TAOK2: variants seen among roughly 807,000 people sequenced by gnomAD.
The protein encoded by TAOK2 is serine/threonine-protein kinase TAO2.
A neutral mutation model predicts 122.5 loss-of-function variants in TAOK2; 42 were observed. That is an observed-to-expected ratio of 0.34 (90% CI 0.27 to 0.44). The LOEUF is 0.44. TAOK2 is among the 20% of genes least tolerant of loss of function. The pLI, the probability that TAOK2 is intolerant of heterozygous loss-of-function variation, is 1.00. For synonymous variants in TAOK2, 704 were observed against 677.6 expected (o/e 1.04, Z -0.61); for missense variants, 1,264 against 1,644.9 (o/e 0.77, Z 4.01).
chr16:29,977,591 T>C (rs2069493873), intron 1 of TAOK2, 147 bp from the exon 2 acceptor site: 1 of 769,460 alleles, frequency 1.3e-6, no homozygotes, highest in Admixed American at 3.0e-5. Flanking sequence ...AGCTTTGATG[T>C]TGTTCCTAAT....
In TAOK2 at chr16:29,983,049, A is replaced by C. The variant is rs2069665861; in HGVS notation, c.1000-23A>C. On this transcript the variant is annotated intron_variant, in intron 11 of 15. Coordinates refer to ENST00000308893, the MANE Select transcript of TAOK2 (RefSeq NM_016151.4). ...CCCCAGGGCTTCCCCTTCCCTGTCC[A>C]GCAGCCTACGCCCTGTTCGCAGGAG... 1.9e-6 allele frequency: 3 copies of C among 1,612,846 alleles called. 1 individual carries two copies. In the South Asian group the frequency reaches 3.3e-5, roughly 18 times the overall value.
At chr16:29,991,714 T>G (rs769705977), downstream of TAOK2, 33 of 1,104,988 alleles carry the variant, frequency 3.0e-5, no homozygotes, top group Middle Eastern at 3.2e-4. The surrounding 1 kb of genome is among the most constrained non-coding windows in gnomAD (Gnocchi z 5.6). Flanking sequence ...CTCATGAGCT[T>G]CTTGGGGCTG....
rs774881770 is a variant in TAOK2 at position 29,983,095 on chromosome 16, G to A, written c.1023G>A (p.Arg341=). 2 of 1,613,856 alleles carry A rather than the reference G, an allele frequency of 1.2e-6. No homozygotes were observed. The highest frequency in any genetic ancestry group is 1.7e-5 in the Admixed American group (1 of 60,002). ...AGGAGGCCGAGCCCTACATGCACCG[G>A]GCCGGGACTCTGACCAGCCTCGAGA... ...EEEEAEPYMH[R]AGTLTSLESS... The change falls in exon 12 of 16, where the codon CGG becomes CGA. Residue 341 remains arginine, a synonymous_variant. Transcript: ENST00000308893.
In TAOK2 at chr16:29,986,626, A is replaced by G; in HGVS notation, c.2354A>G (p.Asp785Gly). The change falls in exon 16 of 16, where the codon GAC (aspartate) becomes GGC (glycine). Residue 785 changes from aspartate (D) to glycine (G), a missense_variant. Physicochemically the swap from Asp to Gly is moderately conservative, Grantham distance 94 (BLOSUM62 -1). Transcript: ENST00000308893. This position sits in a 1 kb window ranked among gnomAD's most constrained non-coding sequence, Gnocchi z 4.2. Reference protein sequence around the residue: ...PCSPGQEAVLDQRMLGEEEEA... With the variant: ...PCSPGQEAVLGQRMLGEEEEA... ...TCACCTGGCCAGGAGGCAGTCCTGG[A>G]CCAAAGAATGCTTGGCGAGGAGGAG... The G allele has an allele frequency of 6.2e-7, 1 of 1,612,154 alleles. No homozygotes were observed. The highest frequency in any genetic ancestry group is 8.5e-7 in the Non-Finnish European group (1 of 1,179,260).
At chr16:29,982,675 G>T (rs2069654400) in intron 10 of TAOK2, 59 bp from the exon 11 acceptor site, 1 of 1,577,118 alleles carries the variant, frequency 6.3e-7, no homozygotes. Context: ...AATGCCAAGG[G>T]CTGTGGGTTG....
downstream of TAOK2, chr16:29,990,826 C>A: frequency 1.2e-6 from 2 of 1,613,038 alleles, no homozygotes; most frequent in Non-Finnish European, 1.7e-6. Flanking sequence ...CCAGGCCCTT[C>A]GGCAGCAGCT....
intron 1 of TAOK2, among the ~76,000 whole-genome samples, chr16:29,976,386 G>T (rs1489648409): frequency 6.6e-6 from 1 of 152,190 alleles, no homozygotes; most frequent in Non-Finnish European, 1.5e-5. Flanking sequence ...TGGAGAGTCA[G>T]GCTCCCTCCT....
intron 1 of TAOK2, among the ~76,000 whole-genome samples, chr16:29,975,577 C>G (rs1278057884): frequency 6.6e-6 from 1 of 152,204 alleles, no homozygotes; most frequent in Non-Finnish European, 1.5e-5. Flanking sequence ...ATGGGAGCCT[C>G]TGGCTTTTGC....
rs1339007600 is a variant in TAOK2 at position 29,974,324 on chromosome 16, C to T, written c.-360C>T. ...TTCAGGCCCCTGCGTGCACCAGTAT[C>T]CGGGGTTCATTCCCCGGGCGTTCAA... On this transcript the variant is annotated 5_prime_UTR_variant, in exon 1 of 16. Coordinates refer to ENST00000308893, the MANE Select transcript of TAOK2 (RefSeq NM_016151.4). The T allele has an allele frequency of 6.6e-6, 1 of 152,670 alleles. No homozygotes were observed. The highest frequency in any genetic ancestry group is 6.5e-5 in the Admixed American group (1 of 15,292). The allele number at this position is 152,670 out of a possible 1,614,324, so 9.5% of individuals were successfully genotyped here. A position where few individuals can be genotyped will look rare whatever the true frequency, so the allele number is the denominator to read the frequency against.
At chr16:29,991,477 GC>G, downstream of TAOK2, 7 of 1,486,118 alleles carry the variant, frequency 4.7e-6, no homozygotes, top group East Asian at 2.5e-5. The surrounding 1 kb of genome is among the most constrained non-coding windows in gnomAD (Gnocchi z 5.6). Context: ...GAGAATGTGG[GC>G]CCCCCTGCTG....
chr16:29,978,607 T>C (rs2069527558), intron 4 of TAOK2, among the ~76,000 whole-genome samples, 192 bp from the exon 5 acceptor site: 1 of 151,974 alleles, frequency 6.6e-6, no homozygotes, highest in Non-Finnish European at 1.5e-5. Context: ...TTTGAAGGGA[T>C]TCAGATGGGC....
Position 29,985,148 on chromosome 16 carries a change from AC to A in TAOK2, c.1423-61del. The A allele has an allele frequency of 2.8e-6, 4 of 1,443,342 alleles. No individual in the cohort carries two copies. The highest frequency in any genetic ancestry group is 3.6e-6 in the Non-Finnish European group (4 of 1,096,116). The allele number at this position is 1,443,342 out of a possible 1,614,324, so 89.4% of individuals were successfully genotyped here. A position where few individuals can be genotyped will look rare whatever the true frequency, so the allele number is the denominator to read the frequency against. Reference sequence around the variant, plus strand: ...AAACCCATGCTCTTCCCCACGGAAGACCCCTTGTGTTAATTAACTAGGGGCC... The same window carrying A: ...AAACCCATGCTCTTCCCCACGGAAGACCCTTGTGTTAATTAACTAGGGGCC... On this transcript the variant is annotated intron_variant, in intron 13 of 15. Coordinates refer to ENST00000308893, the MANE Select transcript of TAOK2 (RefSeq NM_016151.4). This position sits in a 1 kb window ranked among gnomAD's most constrained non-coding sequence, Gnocchi z 6.9.
chr16:29,989,530 T>G, downstream of TAOK2: 1 of 1,603,916 alleles, frequency 6.2e-7, no homozygotes, highest in African/African-American at 1.3e-5. Flanking sequence ...CTCTTCCTCT[T>G]CCTCCTCTTC....
At chr16:29,981,639 T>G (rs1465821432) in intron 8 of TAOK2, 22 bp from the exon 9 acceptor site, 1 of 1,612,742 alleles carries the variant, frequency 6.2e-7, no homozygotes, top group Non-Finnish European at 8.5e-7. Flanking sequence ...CTCACCTTCT[T>G]CCCTTTCACC....
At chr16:29,990,462 A>G (rs756785982), downstream of TAOK2, 8 of 215,206 alleles carry the variant, frequency 3.7e-5, no homozygotes, top group Non-Finnish European at 7.3e-5. Flanking sequence ...CACCTGTCTC[A>G]TTTTTTTTAC....
At chr16:29,988,527 C>T (rs2069888111), downstream of TAOK2, 1 of 1,171,642 alleles carries the variant, frequency 8.5e-7, no homozygotes, top group Non-Finnish European at 1.1e-6. Context: ...CCCCTCACTC[C>T]TCCAGCCTCA....
In TAOK2 at chr16:29,974,294, T is replaced by C. The variant is rs1228784562; in HGVS notation, c.-390T>C. 2 of 152,612 alleles carry C rather than the reference T, an allele frequency of 1.3e-5. No homozygotes were observed. Among genetic ancestry groups the C allele is most frequent in the East Asian group, 3.9e-4 (2 of 5,174 alleles). 9.5% of individuals were successfully genotyped at this position (152,612 alleles called of 1,614,324 possible). ...TCTCTGTTTCATAGAATTTCAAATA[T>C]CAGGTTCAGGCCCCTGCGTGCACCA... On this transcript the variant is annotated 5_prime_UTR_variant, in exon 1 of 16. Transcript: ENST00000308893.
At chr16:29,982,701 T>G in intron 10 of TAOK2, 33 bp from the exon 11 acceptor site, 1 of 1,593,898 alleles carries the variant, frequency 6.3e-7, no homozygotes, top group African/African-American at 1.3e-5. Flanking sequence ...GGAAGGGGAG[T>G]TGGCAGCAGA....
intron 1 of TAOK2, among the ~76,000 whole-genome samples, chr16:29,976,574 T>A (rs2069461930): frequency 6.6e-6 from 1 of 152,274 alleles, no homozygotes; most frequent in African/African-American, 2.4e-5. Context: ...GTGCTTAGGC[T>A]GGAGCCTGTC....
Sources: gnomAD v4.1 joint callset for allele counts (sites outside exome capture counted in the v4.1 genomes callset) on GRCh38, gnomAD v4.1.1 for gene constraint, Gnocchi (gnomAD v3.1) non-coding constraint, MANE v1.5 for transcripts, NCBI Gene and HGNC (gene_info 2026-07-23, HGNC 2026-07-21) for gene names.